Variants in SLC6A3 observed in about 807,000 individuals in gnomAD.
SLC6A3 encodes the protein sodium-dependent dopamine transporter.
Under a neutral mutation model 70.4 loss-of-function variants are expected in SLC6A3, and 19 were observed. That is an observed-to-expected ratio of 0.27 (90% CI 0.19 to 0.40). The LOEUF (loss-of-function observed/expected upper bound fraction) is 0.40. Ranked by LOEUF, SLC6A3 falls within the 10% of genes least tolerant of loss-of-function variation. SLC6A3 has a pLI of 1.00. For synonymous variants in SLC6A3, 368 were observed against 356.6 expected, an observed-to-expected ratio of 1.03 and a Z score of -0.36; for missense variants, 613 against 838.5, an observed-to-expected ratio of 0.73 and a Z score of 3.32.
chr5:1,401,833 G>C lies in SLC6A3; in HGVS notation c.1768-847C>G, dbSNP rs145612614. On this transcript the variant is annotated intron_variant, in intron 13 of 14. Transcript: ENST00000270349. This position sits in a 1 kb window ranked among gnomAD's most constrained non-coding sequence, Gnocchi z 6.1. The stretch of plus-strand genomic sequence containing the variant: ...CCCTGCAGAGACTGCCCGGCTGCCT[G>C]CTCTTCCCCTGTGCTGGGTCCTGGC... 6.6e-6 allele frequency among the ~76,000 whole-genome samples: 1 copy of C among 152,354 alleles called. No homozygotes were observed. Among genetic ancestry groups the C allele is most frequent in the Non-Finnish European group, 1.5e-5 (1 of 68,028 alleles).
chr5:1,431,227 C>T (rs1397124748), intron 4 of SLC6A3, among the ~76,000 whole-genome samples: 1 of 152,244 alleles, frequency 6.6e-6, no homozygotes, highest in East Asian at 1.9e-4. Flanking sequence ...CAGGGAACCC[C>T]TGGGTGTCAG....
chr5:1,398,172 C>T (rs140932086), intron 14 of SLC6A3, among the ~76,000 whole-genome samples: 3 of 151,970 alleles, frequency 2.0e-5, no homozygotes, highest in African/African-American at 7.2e-5. Context: ...ACCAGCCTGG[C>T]CAACATGGTC....
At chr5:1,445,114 G>A (rs535043447) in intron 1 of SLC6A3, among the ~76,000 whole-genome samples, 2 of 152,202 alleles carry the variant, frequency 1.3e-5, no homozygotes, top group Non-Finnish European at 2.9e-5. Context: ...AGCCTGGAGC[G>A]GGGCCAGGGG....
intron 4 of SLC6A3, among the ~76,000 whole-genome samples, chr5:1,422,359 T>G (rs1756458634): frequency 6.6e-6 from 1 of 151,332 alleles, no homozygotes; most frequent in Non-Finnish European, 1.5e-5. Context: ...CAATGCTGGG[T>G]GCCCACCACT....
At position 1,421,749 on chromosome 5, in the gene SLC6A3, G is replaced by T; in HGVS notation, c.792+127C>A. 9.8e-7 allele frequency: 1 copy of T among 1,015,860 alleles called. No homozygotes were observed. The allele number at this position is 1,015,860 out of a possible 1,614,324, so 62.9% of individuals were successfully genotyped here. On this transcript the variant is annotated intron_variant, in intron 5 of 14. Transcript: ENST00000270349. The surrounding 1 kb of genome is among the most constrained non-coding windows in gnomAD (Gnocchi z 7.2). ...CATGGCCATGTGTCCACCCCAACCT[G>T]GCCATGGCCACATTGGTAGCACAAA...
At chr5:1,399,836 C>T (rs28363159) in intron 14 of SLC6A3, among the ~76,000 whole-genome samples, 2,129 of 152,300 alleles carry the variant, frequency 0.014, 41 homozygotes, top group African/African-American at 0.045. Flanking sequence ...CACTGCCTCC[C>T]GGCCTGTTCC....
rs1733693438 is a variant in SLC6A3, at chr5:1,442,271, G to A, written c.286+641C>T. On this transcript the variant is annotated intron_variant, in intron 2 of 14. Transcript: ENST00000270349. This position sits in a 1 kb window ranked among gnomAD's most constrained non-coding sequence, Gnocchi z 5.0. ...CATAAAAATGCCAGCCTCCTCGCAG[G>A]CATCCTGTGAGGCTTCCCCCCAGAT... 6.6e-6 allele frequency among the ~76,000 whole-genome samples: 1 copy of A among 152,148 alleles called. No homozygotes were observed. Among genetic ancestry groups the A allele is most frequent in the East Asian group, 1.9e-4 (1 of 5,182 alleles).
At chr5:1,432,024 C>G (rs886852112) in intron 4 of SLC6A3, among the ~76,000 whole-genome samples, 3 of 152,148 alleles carry the variant, frequency 2.0e-5, no homozygotes, top group African/African-American at 7.2e-5. Flanking sequence ...AGGGCAAGGG[C>G]CGGAGTGAGG....
chr5:1,400,153 G>A (rs752461695), intron 14 of SLC6A3, among the ~76,000 whole-genome samples: 3 of 152,202 alleles, frequency 2.0e-5, no homozygotes, highest in Admixed American at 1.3e-4. Context: ...GAATCAGGTC[G>A]GGGCTGAGGC....
Position 1,406,717 on chromosome 5 carries a change from T to TACTG in SLC6A3, c.1499-433_1499-430dup, listed in dbSNP as rs1755990367. 1.3e-5 allele frequency among the ~76,000 whole-genome samples: 2 copies of TACTG among 149,860 alleles called. No individual in the cohort carries two copies. The highest frequency in any genetic ancestry group is 3.0e-5 in the Non-Finnish European group (2 of 66,376). On this transcript the variant is annotated intron_variant, in intron 11 of 14. Transcript: ENST00000270349. This position sits in a 1 kb window ranked among gnomAD's most constrained non-coding sequence, Gnocchi z 8.8. The stretch of plus-strand genomic sequence containing the variant: ...TTCATAATGTATCAATACATTCACA[T>TACTG]ACTGTGTAACCGTCACCACCGTCCA...
intron 3 of SLC6A3, among the ~76,000 whole-genome samples, chr5:1,434,221 C>T (rs1756777430): frequency 6.6e-6 from 1 of 152,210 alleles, no homozygotes; most frequent in Non-Finnish European, 1.5e-5. Context: ...CACCAGGGTC[C>T]ACCCAGGGCA....
In SLC6A3 at chr5:1,442,861, C is replaced by A; in HGVS notation, c.286+51G>T. 6.2e-7 allele frequency: 1 copy of A among 1,605,602 alleles called. No homozygotes were observed. Among genetic ancestry groups the A allele is most frequent in the South Asian group, 1.1e-5 (1 of 90,922 alleles). ...GTACGTGCCTTGGCCCCGGCTGCCC[C>A]TACGACCCCCGCCCGGCCAGCATGC... is the stretch of plus-strand genomic sequence containing the variant. On this transcript the variant is annotated intron_variant, in intron 2 of 14. Coordinates refer to ENST00000270349, the MANE Select transcript of SLC6A3 (RefSeq NM_001044.5). The surrounding 1 kb of genome is among the most constrained non-coding windows in gnomAD (Gnocchi z 5.0).
Position 1,401,112 on chromosome 5 carries a change from A to G in SLC6A3, c.1768-126T>C, listed in dbSNP as rs1755840325. 2 of 744,878 alleles carry G rather than the reference A, an allele frequency of 2.7e-6. No homozygotes were observed. The highest frequency in any genetic ancestry group is 4.0e-5 in the Admixed American group (2 of 50,034). The allele number at this position is 744,878 out of a possible 1,614,324, so 46.1% of individuals were successfully genotyped here. A position where few individuals can be genotyped will look rare whatever the true frequency, so the allele number is the denominator to read the frequency against. The stretch of plus-strand genomic sequence containing the variant: ...CACCACCAGCCCTCCTCACCTGCCA[A>G]TGCCCACCCGCTGGCATCCATATCA... On this transcript the variant is annotated intron_variant, in intron 13 of 14. Transcript: ENST00000270349. This position sits in a 1 kb window ranked among gnomAD's most constrained non-coding sequence, Gnocchi z 6.1.
intron 6 of SLC6A3, among the ~76,000 whole-genome samples, chr5:1,420,119 C>T (rs922294519): frequency 1.1e-4 from 17 of 152,320 alleles, no homozygotes; most frequent in African/African-American, 4.1e-4. Context: ...GGCCTGCCAC[C>T]TCCCCCACTT....
Position 1,437,340 on chromosome 5 carries a change from T to TG in SLC6A3, c.418+4018dup, listed in dbSNP as rs1026844104. Reference sequence around the variant, plus strand: ...CTGGGTGTCTTTAGTATGTGCTTGCTGTGTGTGCATGTACCCGAGAGACAG... The same window carrying TG: ...CTGGGTGTCTTTAGTATGTGCTTGCTGGTGTGTGCATGTACCCGAGAGACAG... On this transcript the variant is annotated intron_variant, in intron 3 of 14. Transcript: ENST00000270349. The surrounding 1 kb of genome is among the most constrained non-coding windows in gnomAD (Gnocchi z 4.8). Among the ~76,000 whole-genome samples, 28 of 151,328 alleles carry TG rather than the reference T, an allele frequency of 1.9e-4. No homozygotes were observed. Among genetic ancestry groups the TG allele is most frequent in the African/African-American group, 6.8e-4 (28 of 41,072 alleles).
chr5:1,422,618 G>A (rs1399373022), intron 4 of SLC6A3, among the ~76,000 whole-genome samples: 1,001 of 71,278 alleles, frequency 0.014, 1 homozygote, highest in East Asian at 0.032. Flanking sequence ...CCATGGTGCT[G>A]GGTGCCCACC....
chr5:1,415,228 G>C (rs900920907), intron 7 of SLC6A3, among the ~76,000 whole-genome samples: 12 of 152,160 alleles, frequency 7.9e-5, no homozygotes, highest in Admixed American at 2.0e-4. Flanking sequence ...CAAGGGCGCT[G>C]GTGCTGCGGG....
rs559351758 is a variant in SLC6A3 at position 1,404,208 on chromosome 5, G to A, written c.1600-1119C>T. 4.6e-5 allele frequency among the ~76,000 whole-genome samples: 7 copies of A among 152,314 alleles called. No homozygotes were observed. The South Asian group carries it at 6.2e-4, about 14-fold the overall frequency. On this transcript the variant is annotated intron_variant, in intron 12 of 14. Transcript: ENST00000270349. This position sits in a 1 kb window ranked among gnomAD's most constrained non-coding sequence, Gnocchi z 5.2. Reference sequence around the variant, plus strand: ...TCGGGCCACTTGTAGGTTTGGAGCCGGCTAGCGGAGGACTGGGATGGGGGC... The same window carrying A: ...TCGGGCCACTTGTAGGTTTGGAGCCAGCTAGCGGAGGACTGGGATGGGGGC...
rs931984983 is a variant in SLC6A3, at chr5:1,438,645, G to C, written c.418+2714C>G. ...CGGAAGGAAATGAGCTCTTATCTGC[G>C]GACCTACAGGTCCCTTTTTCTCCTG... On this transcript the variant is annotated intron_variant, in intron 3 of 14. Transcript: ENST00000270349. This position sits in a 1 kb window ranked among gnomAD's most constrained non-coding sequence, Gnocchi z 6.5. 2.0e-5 allele frequency among the ~76,000 whole-genome samples: 3 copies of C among 152,146 alleles called. No individual in the cohort carries two copies. Among genetic ancestry groups the C allele is most frequent in the Non-Finnish European group, 4.4e-5 (3 of 68,028 alleles).
Sources: allele counts gnomAD v4.1 joint callset (sites outside exome capture counted in the v4.1 genomes callset), GRCh38; gene constraint gnomAD v4.1.1; non-coding constraint Gnocchi (gnomAD v3.1); transcripts MANE v1.5; gene names NCBI Gene and HGNC (gene_info 2026-07-23, HGNC 2026-07-21).